Variants in VPS52 observed in about 807,000 individuals in gnomAD.
VPS52 encodes VPS52 subunit of GARP complex.
A neutral mutation model predicts 98.7 loss-of-function variants in VPS52; 56 were observed. The observed-to-expected ratio is 0.57, with a 90% CI of 0.46 to 0.71. VPS52 has a LOEUF of 0.71. Ranked by LOEUF, VPS52 falls within the 30% of genes least tolerant of loss-of-function variation. The probability of loss-of-function intolerance (pLI) is 0.00; values close to 1 mark genes in which losing one functional copy is unlikely to be tolerated. For missense variants in VPS52, 742 were observed against 925.9 expected, an observed-to-expected ratio of 0.80 and a Z score of 2.58; for synonymous variants, 348 against 346.4, an observed-to-expected ratio of 1.00 and a Z score of -0.05.
chr6:33,271,331 C>A, intron 1 of VPS52: 1 of 681,218 alleles, frequency 1.5e-6, no homozygotes, highest in Non-Finnish European at 2.7e-6. Flanking sequence ...ATGTTCTTAA[C>A]CTTTACACTA....
Position 33,263,548 on chromosome 6 carries a change from T to C in VPS52, c.1730A>G (p.Glu577Gly), listed in dbSNP as rs1450289313. Residue 577 changes from glutamate to glycine, a missense_variant and splice_region_variant, in exon 17 of 20, where the codon GAG becomes GGG. Coordinates refer to ENST00000445902, the MANE Select transcript of VPS52 (RefSeq NM_022553.6). ...NYDMMLGVLM[E>G]RAADDSKEVE... ...CTCTTTGCTGTCATCTGCAGCCCGC[T>C]CCTAAGGGAAGACAAAGGGAAATGT... The C allele has an allele frequency of 1.2e-6, 2 of 1,614,048 alleles. No individual in the cohort carries two copies. Among genetic ancestry groups the C allele is most frequent in the South Asian group, 2.2e-5 (2 of 91,070 alleles).
chr6:33,264,568 T>C lies in VPS52; in HGVS notation c.1401-71A>G, dbSNP rs142394410. ...GAGGGGGATGGGAGGGAGTGGGGCATCATTCAGTTTAATGGTCAATAGCTA... is the reference window on the plus strand; with the variant it reads ...GAGGGGGATGGGAGGGAGTGGGGCACCATTCAGTTTAATGGTCAATAGCTA... On this transcript the variant is annotated intron_variant, in intron 13 of 19. Transcript: ENST00000445902. The C allele has an allele frequency of 8.0e-3, 12,856 of 1,598,532 alleles. 71 individuals carry two copies. The highest frequency in any genetic ancestry group is 9.1e-3 in the Non-Finnish European group (10,657 of 1,171,438).
chr6:33,266,908 G>A (rs1037313745), intron 11 of VPS52, among the ~76,000 whole-genome samples, 196 bp from the exon 12 acceptor site: 1 of 152,024 alleles, frequency 6.6e-6, no homozygotes, highest in Non-Finnish European at 1.5e-5. Flanking sequence ...TACAAAAAGG[G>A]CCTACACCCA....
At chr6:33,259,297 C>G (rs891232139) in intron 17 of VPS52, among the ~76,000 whole-genome samples, 2 of 152,086 alleles carry the variant, frequency 1.3e-5, no homozygotes, top group Non-Finnish European at 2.9e-5. Context: ...AGATAACTTC[C>G]CCACATTCCT....
chr6:33,271,299 AGGCAGTC>A (rs1046334868), intron 1 of VPS52: 165 of 634,684 alleles, frequency 2.6e-4, no homozygotes, highest in Middle Eastern at 2.0e-3. Flanking sequence ...GATAGAACTC[AGGCAGTC>A]TGGCTTCAGA....
intron 17 of VPS52, among the ~76,000 whole-genome samples, chr6:33,263,073 A>ATTTATC (rs1763815866): frequency 6.6e-6 from 1 of 151,832 alleles, no homozygotes; most frequent in African/African-American, 2.4e-5. Context: ...GCTTGAGAGG[A>ATTTATC]TAGATAAAGA....
intron 17 of VPS52, among the ~76,000 whole-genome samples, chr6:33,255,881 A>G (rs1762888965): frequency 1.3e-5 from 2 of 151,662 alleles, no homozygotes; most frequent in South Asian, 4.2e-4. Context: ...GGCTCAAGAG[A>G]TTCTCCCATC....
Position 33,268,018 on chromosome 6 carries a change from C to G in VPS52, c.801-21G>C, listed in dbSNP as rs1356491321. ...AGAACCTAGGGGGTCAGGAACATGT[C>G]AGTCTACCTGTCTCCCAAGAAACCA... On this transcript the variant is annotated intron_variant, in intron 8 of 19. Transcript: ENST00000445902. The surrounding 1 kb of genome is among the most constrained non-coding windows in gnomAD (Gnocchi z 4.0). 6.2e-7 allele frequency: 1 copy of G among 1,613,040 alleles called. No homozygotes were observed. The highest frequency in any genetic ancestry group is 1.7e-5 in the Admixed American group (1 of 60,018).
chr6:33,251,742 G>A (rs138562902), intron 18 of VPS52, 106 bp from the exon 19 acceptor site: 2 of 1,409,962 alleles, frequency 1.4e-6, no homozygotes, highest in East Asian at 2.3e-5. Context: ...CTCTTTTCTG[G>A]TATTCTCTCA....
At position 33,269,061 on chromosome 6, in the gene VPS52, T is replaced by C; in HGVS notation, c.501A>G (p.Lys167=). Residue 167 remains lysine (K), a synonymous_variant, in exon 6 of 20, where the codon AAA becomes AAG. Transcript: ENST00000445902. ...CCAGACCATCAACAAGCTCCCCAAG[T>C]TTCCCCCGAACTGCCTGGCGATTTC... is the stretch of plus-strand genomic sequence containing the variant. ...RLRNRQAVRG[K]LGELVDGLVV... 2 of 1,612,750 alleles carry C rather than the reference T, an allele frequency of 1.2e-6. No homozygotes were observed.
At position 33,268,234 on chromosome 6, in the gene VPS52, G is replaced by A; in HGVS notation, c.700-26C>T. 1 of 1,608,266 alleles carries A rather than the reference G, an allele frequency of 6.2e-7. No homozygotes were observed. The highest frequency in any genetic ancestry group is 8.5e-7 in the Non-Finnish European group (1 of 1,175,844). ...CTAGATGTGGGGAACCAAACACAGG[G>A]CATGAAGCTGCAACCCTTTTGCTGT... On this transcript the variant is annotated intron_variant, in intron 7 of 19. Transcript: ENST00000445902. This position sits in a 1 kb window ranked among gnomAD's most constrained non-coding sequence, Gnocchi z 4.0.
rs760074024 is a variant in VPS52 at position 33,269,039 on chromosome 6, G to A, written c.523C>T (p.Leu175=). The change falls in exon 6 of 20, where the codon CTG becomes TTG. Residue 175 remains leucine (L), a synonymous_variant. Coordinates refer to ENST00000445902, the MANE Select transcript of VPS52 (RefSeq NM_022553.6). ...RGKLGELVDG[L]VVPSALVTAI... ...GTGACCAGAGCAGAAGGCACCACCA[G>A]ACCATCAACAAGCTCCCCAAGTTTC... The A allele has an allele frequency of 1.9e-6, 3 of 1,612,510 alleles. No homozygotes were observed. Among genetic ancestry groups the A allele is most frequent in the African/African-American group, 2.7e-5 (2 of 74,910 alleles).
At chr6:33,271,171 T>G (rs1223817150) in intron 1 of VPS52, 8 of 556,286 alleles carry the variant, frequency 1.4e-5, no homozygotes, top group Admixed American at 9.8e-5. Flanking sequence ...CATATTCATC[T>G]AATCCTAACG....
intron 1 of VPS52, 94 bp downstream of exon 1, chr6:33,271,492 G>T (rs1030868102): frequency 6.6e-7 from 1 of 1,515,374 alleles, no homozygotes; most frequent in Non-Finnish European, 9.0e-7. Context: ...ACGGGTAGCA[G>T]CCAAGTTCCC....
chr6:33,271,879 C>T (rs1481765224), upstream of VPS52: 10 of 1,225,248 alleles, frequency 8.2e-6, no homozygotes, highest in African/African-American at 6.1e-5. Flanking sequence ...CACAAACTAG[C>T]CCCGGAACCT....
intron 17 of VPS52, 46 bp downstream of exon 17, chr6:33,263,437 GA>G: frequency 7.6e-7 from 1 of 1,313,484 alleles, no homozygotes; most frequent in East Asian, 2.8e-5. Context: ...AGAGAGAGCT[GA>G]AAACAGCACA....
intron 17 of VPS52, among the ~76,000 whole-genome samples, chr6:33,258,372 G>C (rs570186636): frequency 8.7e-6 from 1 of 115,528 alleles, no homozygotes; most frequent in African/African-American, 3.6e-5. Context: ...GGCAACATGA[G>C]TGAAACTCCA....
At chr6:33,251,674 G>A in intron 18 of VPS52, 38 bp from the exon 19 acceptor site, 1 of 1,537,558 alleles carries the variant, frequency 6.5e-7, no homozygotes, top group Non-Finnish European at 9.0e-7. Flanking sequence ...GAGGGATCTG[G>A]CTGATCTTCA....
In VPS52 at chr6:33,268,230, C is replaced by A. The variant is rs1310157705; in HGVS notation, c.700-22G>T. On this transcript the variant is annotated intron_variant, in intron 7 of 19. Transcript: ENST00000445902. This position sits in a 1 kb window ranked among gnomAD's most constrained non-coding sequence, Gnocchi z 4.0. Reference sequence around the variant, plus strand: ...CTGCCTAGATGTGGGGAACCAAACACAGGGCATGAAGCTGCAACCCTTTTG... The same window carrying A: ...CTGCCTAGATGTGGGGAACCAAACAAAGGGCATGAAGCTGCAACCCTTTTG... 1 of 1,611,612 alleles carries A rather than the reference C, an allele frequency of 6.2e-7. No individual in the cohort carries two copies. Among genetic ancestry groups the A allele is most frequent in the Non-Finnish European group, 8.5e-7 (1 of 1,178,822 alleles).
Sources: gnomAD v4.1 joint callset for allele counts (sites outside exome capture counted in the v4.1 genomes callset) on GRCh38, gnomAD v4.1.1 for gene constraint, Gnocchi (gnomAD v3.1) non-coding constraint, MANE v1.5 for transcripts, NCBI Gene and HGNC (gene_info 2026-07-23, HGNC 2026-07-21) for gene names.